HIP1: variants seen among roughly 807,000 people sequenced by gnomAD.
HIP1 encodes the protein huntingtin-interacting protein 1.
Under a neutral mutation model 147.6 loss-of-function variants are expected in HIP1, and 65 were observed. The observed-to-expected ratio is 0.44, with a 90% CI of 0.36 to 0.54. The LOEUF (loss-of-function observed/expected upper bound fraction) is 0.54. Among genes scored for constraint, HIP1 ranks in the 20% least tolerant of loss-of-function variants. HIP1 has a pLI of 0.00. For missense variants in HIP1, 1,061 were observed against 1,299.6 expected (o/e 0.82, Z 2.82); for synonymous variants, 479 against 504.0 (o/e 0.95, Z 0.67).
intron 1 of HIP1, among the ~76,000 whole-genome samples, chr7:75,701,458 C>T (rs1800829921): frequency 6.6e-6 from 1 of 152,070 alleles, no homozygotes; most frequent in African/African-American, 2.4e-5. Flanking sequence ...CCTGTAATCC[C>T]AGCACTTTGG....
intron 13 of HIP1, among the ~76,000 whole-genome samples, chr7:75,560,558 T>C (rs1795191893): frequency 6.6e-6 from 1 of 151,946 alleles, no homozygotes; most frequent in Non-Finnish European, 1.5e-5. Context: ...GGCAAACCAA[T>C]CTCTCCTTAT....
intron 21 of HIP1, 101 bp downstream of exon 21, chr7:75,554,012 T>C (rs1015620902): frequency 2.5e-6 from 2 of 800,692 alleles, no homozygotes; most frequent in Admixed American, 4.6e-5. Context: ...CCCAAAGTGC[T>C]GGAGTTACAG....
intron 1 of HIP1, among the ~76,000 whole-genome samples, chr7:75,711,560 T>C (rs1801166092): frequency 6.6e-6 from 1 of 152,212 alleles, no homozygotes; most frequent in Non-Finnish European, 1.5e-5. Context: ...GATAGTCCTA[T>C]TTATAGTCTG....
chr7:75,678,009 G>A (rs1563287986), intron 1 of HIP1, among the ~76,000 whole-genome samples: 3 of 151,578 alleles, frequency 2.0e-5, no homozygotes, highest in Admixed American at 1.3e-4. Context: ...TTTTTTCTCT[G>A]TCTTCTTTTC....
intron 1 of HIP1, among the ~76,000 whole-genome samples, chr7:75,732,246 A>G (rs1330174629): frequency 1.3e-5 from 2 of 152,148 alleles, no homozygotes; most frequent in African/African-American, 4.8e-5. Flanking sequence ...GCAGGCCCTC[A>G]ATAAATATTT....
intron 1 of HIP1, among the ~76,000 whole-genome samples, chr7:75,634,913 C>A (rs1181687179): frequency 3.2e-5 from 4 of 124,192 alleles, no homozygotes; most frequent in Admixed American, 1.1e-4. Flanking sequence ...GCACTCCAGG[C>A]TAGGTGACAG....
chr7:75,599,833 G>A (rs1390650658), intron 1 of HIP1, among the ~76,000 whole-genome samples: 3 of 140,838 alleles, frequency 2.1e-5, no homozygotes, highest in Non-Finnish European at 3.0e-5. Flanking sequence ...TTTTAAAATC[G>A]TTAACTTTTT....
At chr7:75,668,984 G>C (rs575101975) in intron 1 of HIP1, among the ~76,000 whole-genome samples, 2 of 150,622 alleles carry the variant, frequency 1.3e-5, no homozygotes, top group Non-Finnish European at 3.0e-5. Flanking sequence ...TTGGGAGGCC[G>C]AGGCGGGCAG....
intron 1 of HIP1, among the ~76,000 whole-genome samples, chr7:75,690,351 A>C (rs1339514720): frequency 1.3e-5 from 2 of 152,204 alleles, no homozygotes; most frequent in Non-Finnish European, 2.9e-5. Flanking sequence ...CTAGCCAATA[A>C]GCACACGAAA....
rs1554497110 is a variant in HIP1, at chr7:75,573,754, T to C, written c.745+7A>G. On this transcript the variant is annotated splice_region_variant and intron_variant, in intron 8 of 30. Coordinates refer to ENST00000336926, the MANE Select transcript of HIP1 (RefSeq NM_005338.7). ...TCATGTAAGAAGATCTGGCCCGCGG[T>C]ACTCACAGGAGTGGAGTTTGAAGAG... 16 of 1,612,934 alleles carry C rather than the reference T, an allele frequency of 9.9e-6. No individual in the cohort carries two copies.
At chr7:75,716,834 G>GA (rs1554520658) in intron 1 of HIP1, among the ~76,000 whole-genome samples, 2 of 150,418 alleles carry the variant, frequency 1.3e-5, no homozygotes, top group African/African-American at 4.9e-5. Flanking sequence ...TTAGGGGGGG[G>GA]GAAAGGATCT....
At chr7:75,658,861 T>C (rs1799219345) in intron 1 of HIP1, among the ~76,000 whole-genome samples, 1 of 152,028 alleles carries the variant, frequency 6.6e-6, no homozygotes, top group Admixed American at 6.6e-5. Flanking sequence ...GCCACTGCAT[T>C]CCAGTGTGGG....
At chr7:75,681,312 A>G (rs2285870) in intron 1 of HIP1, among the ~76,000 whole-genome samples, 88,526 of 151,590 alleles carry the variant, frequency 0.58, 26,426 homozygotes, top group African/African-American at 0.69. Context: ...TTCCTGCAAT[A>G]AGAAGCATCT....
intron 1 of HIP1, among the ~76,000 whole-genome samples, chr7:75,640,642 A>C (rs909722738): frequency 2.0e-5 from 3 of 151,544 alleles, no homozygotes; most frequent in African/African-American, 7.3e-5. Context: ...AATCCCAGCT[A>C]CTCGGGAGGC....
intron 1 of HIP1, among the ~76,000 whole-genome samples, chr7:75,623,791 GCA>G (rs1215383023): frequency 1.3e-5 from 2 of 152,170 alleles, no homozygotes; most frequent in Non-Finnish European, 2.9e-5. Context: ...TTGAGGCTGG[GCA>G]CAGTGGCTCA....
intron 14 of HIP1, among the ~76,000 whole-genome samples, chr7:75,559,016 C>A (rs1262538975): frequency 2.6e-5 from 4 of 152,086 alleles, no homozygotes; most frequent in African/African-American, 9.7e-5. Flanking sequence ...GAGACTCCAC[C>A]TCAAAAAAAT....
At chr7:75,665,524 A>C (rs781877493) in intron 1 of HIP1, among the ~76,000 whole-genome samples, 3 of 150,520 alleles carry the variant, frequency 2.0e-5, no homozygotes, top group Non-Finnish European at 4.4e-5. Flanking sequence ...CTCATACTAA[A>C]GCTTCTCATT....
chr7:75,689,515 T>A (rs1800376100), intron 1 of HIP1, among the ~76,000 whole-genome samples: 2 of 151,994 alleles, frequency 1.3e-5, no homozygotes, highest in Non-Finnish European at 2.9e-5. Flanking sequence ...AATAAATAAA[T>A]AAAGGTAATA....
chr7:75,563,320 G>T, intron 9 of HIP1, 57 bp from the exon 10 acceptor site: 1 of 1,531,740 alleles, frequency 6.5e-7, no homozygotes, highest in Non-Finnish European at 9.0e-7. Context: ...CCCATGTAGG[G>T]GACAGAGCAG....
Sources: gnomAD v4.1 joint callset for allele counts (sites outside exome capture counted in the v4.1 genomes callset) on GRCh38, gnomAD v4.1.1 for gene constraint, MANE v1.5 for transcripts, NCBI Gene and HGNC (gene_info 2026-07-23, HGNC 2026-07-21) for gene names.